Variants in STRBP observed in about 807,000 individuals in gnomAD.
STRBP encodes spermatid perinuclear RNA-binding protein.
In STRBP, 13 loss-of-function variants were observed where a neutral mutation model predicts 80.1. That is an observed-to-expected ratio of 0.16 (90% CI 0.11 to 0.26). The LOEUF (loss-of-function observed/expected upper bound fraction) is 0.26. Ranked by LOEUF, STRBP falls within the 10% of genes least tolerant of loss-of-function variation. STRBP has a pLI of 1.00. For synonymous variants in STRBP, 284 were observed against 291.2 expected (o/e 0.98, Z 0.25); for missense variants, 485 against 815.2 (o/e 0.59, Z 4.93).
intron 1 of STRBP, among the ~76,000 whole-genome samples, chr9:123,238,886 C>T (rs778575287): frequency 2.0e-5 from 3 of 152,030 alleles, no homozygotes; most frequent in South Asian, 4.2e-4. Context: ...ATAAATTCCA[C>T]GTTAGAATGC....
chr9:123,210,691 C>T (rs1317228560), intron 2 of STRBP, among the ~76,000 whole-genome samples: 5 of 151,752 alleles, frequency 3.3e-5, no homozygotes, highest in Admixed American at 2.6e-4. Flanking sequence ...TAGCTGGGTG[C>T]GGTGGCAGTC....
At chr9:123,200,762 T>TTTTTTA (rs1554762956) in intron 2 of STRBP, among the ~76,000 whole-genome samples, 3 of 133,486 alleles carry the variant, frequency 2.2e-5, no homozygotes, top group African/African-American at 8.8e-5. Flanking sequence ...TTTTTTTTTT[T>TTTTTTA]AGTAGAGACC....
chr9:123,209,344 A>C (rs530460102), intron 2 of STRBP, among the ~76,000 whole-genome samples: 4 of 152,308 alleles, frequency 2.6e-5, no homozygotes, highest in Middle Eastern at 3.4e-3. Context: ...AGCATCTACA[A>C]ATACCAGGAA....
intron 11 of STRBP, among the ~76,000 whole-genome samples, chr9:123,154,263 A>C (rs952823514): frequency 6.6e-6 from 1 of 152,240 alleles, no homozygotes; most frequent in African/African-American, 2.4e-5. Flanking sequence ...TACCTATTAA[A>C]ATGAACTATA....
chr9:123,124,264 G>A lies in STRBP; in HGVS notation c.*1333C>T. On this transcript the variant is annotated 3_prime_UTR_variant, in exon 19 of 19. Coordinates refer to ENST00000348403, the MANE Select transcript of STRBP (RefSeq NM_018387.5). ...AAAACAGACATTTTTAAGACATGGT[G>A]CCTTATAAATATTGACAGGGGACCA... The A allele has an allele frequency of 1.0e-6, 1 of 985,396 alleles. No individual in the cohort carries two copies. Among genetic ancestry groups the A allele is most frequent in the Non-Finnish European group, 1.2e-6 (1 of 829,930 alleles). The allele number at this position is 985,396 out of a possible 1,614,324, so 61.0% of individuals were successfully genotyped here. A position where few individuals can be genotyped will look rare whatever the true frequency, so the allele number is the denominator to read the frequency against.
intron 3 of STRBP, chr9:123,114,103 T>C (rs1206047685): frequency 6.0e-6 from 1 of 167,136 alleles, no homozygotes; most frequent in African/African-American, 2.4e-5. Flanking sequence ...AAGAGACACC[T>C]GGCCTTGGAG....
At chr9:123,213,179 G>A (rs1390550945) in intron 2 of STRBP, among the ~76,000 whole-genome samples, 51 of 152,128 alleles carry the variant, frequency 3.4e-4, no homozygotes, top group Admixed American at 3.3e-3. Context: ...TCTTATATAA[G>A]CAGGGAAGAT....
intron 1 of STRBP, among the ~76,000 whole-genome samples, chr9:123,240,951 G>A (rs955508690): frequency 2.0e-5 from 3 of 151,832 alleles, no homozygotes; most frequent in Admixed American, 6.6e-5. Flanking sequence ...AGGCTGAGGC[G>A]AGTGGATCAT....
intron 1 of STRBP, among the ~76,000 whole-genome samples, chr9:123,263,524 C>CAAAAAAAAAAAAAAAAAAAA (rs775297049): frequency 1.6e-5 from 1 of 64,226 alleles, no homozygotes; most frequent in Non-Finnish European, 3.4e-5. Flanking sequence ...GACCCTGTCT[C>CAAAAAAAAAAAAAAAAAAAA]AAAAAAAAAA....
At chr9:123,116,468 C>CAA (rs553835362) in intron 2 of STRBP, among the ~76,000 whole-genome samples, 1 of 151,986 alleles carries the variant, frequency 6.6e-6, no homozygotes, top group African/African-American at 2.4e-5. Context: ...GAAAACAAAA[C>CAA]AAAAAAACAG....
chr9:123,262,633 AAGC>A (rs1160697466), intron 1 of STRBP, among the ~76,000 whole-genome samples: 3 of 152,238 alleles, frequency 2.0e-5, no homozygotes, highest in African/African-American at 7.2e-5. Context: ...TAACTAAAGA[AAGC>A]AGATGTTTTA....
Position 123,136,267 on chromosome 9 carries a change from C to T in STRBP, c.1633-86G>A. The T allele has an allele frequency of 1.9e-6, 3 of 1,594,498 alleles. No homozygotes were observed. Among genetic ancestry groups the T allele is most frequent in the Non-Finnish European group, 8.5e-7 (1 of 1,170,878 alleles). On this transcript the variant is annotated intron_variant, in intron 15 of 18. Transcript: ENST00000348403. This position sits in a 1 kb window ranked among gnomAD's most constrained non-coding sequence, Gnocchi z 4.2. Reference sequence around the variant, plus strand: ...TAAATAGATTATGACACAGAAAACACCAAAAATCAAATAGTGCCACAAGAA... The same window carrying T: ...TAAATAGATTATGACACAGAAAACATCAAAAATCAAATAGTGCCACAAGAA...
chr9:123,259,778 T>C (rs771884358), intron 1 of STRBP, among the ~76,000 whole-genome samples: 1 of 151,722 alleles, frequency 6.6e-6, no homozygotes, highest in Non-Finnish European at 1.5e-5. Context: ...AAGAGGTAGG[T>C]GTAATAAGGA....
At chr9:123,266,049 A>G (rs1313150188) in intron 1 of STRBP, among the ~76,000 whole-genome samples, 1 of 152,176 alleles carries the variant, frequency 6.6e-6, no homozygotes, top group African/African-American at 2.4e-5. Flanking sequence ...CACTGCACCA[A>G]GGTATCCCTT....
At chr9:123,142,674 G>A (rs1194482258) in intron 13 of STRBP, among the ~76,000 whole-genome samples, 2 of 151,916 alleles carry the variant, frequency 1.3e-5, no homozygotes, top group Admixed American at 1.3e-4. Context: ...CCATGTTGAA[G>A]TCAGAATTGA....
At chr9:123,239,742 T>C (rs1210913710) in intron 1 of STRBP, among the ~76,000 whole-genome samples, 1 of 152,240 alleles carries the variant, frequency 6.6e-6, no homozygotes, top group African/African-American at 2.4e-5. Flanking sequence ...AAAGGATAGT[T>C]ATAAAATATT....
At chr9:123,152,970 C>G (rs1267791586) in intron 11 of STRBP, among the ~76,000 whole-genome samples, 1 of 152,138 alleles carries the variant, frequency 6.6e-6, no homozygotes, top group Non-Finnish European at 1.5e-5. Context: ...GGGATCTCTC[C>G]TTATCATCTT....
At chr9:123,258,531 T>C (rs147334817) in intron 1 of STRBP, among the ~76,000 whole-genome samples, 2,130 of 152,202 alleles carry the variant, frequency 0.014, 15 homozygotes, top group Non-Finnish European at 0.016. Flanking sequence ...AGGCCAGGCG[T>C]GGTGGCTCAC....
Position 123,139,638 on chromosome 9 carries a change from C to T in STRBP, c.1388G>A (p.Cys463Tyr), listed in dbSNP as rs1411633793. The change falls in exon 14 of 19, where the codon TGT becomes TAT. Residue 463 changes from cysteine (C) to tyrosine (Y), a missense_variant. By Grantham distance (194) the Cys-to-Tyr change is radical. Coordinates refer to ENST00000348403, the MANE Select transcript of STRBP (RefSeq NM_018387.5). ...ATCTGATTTTTCATCGGAACTCATA[C>T]ATTCAATATCTGCATCAAAGCCTGT... ...YPTGFDADIE[C>Y]MSSDEKSDNE... The T allele has an allele frequency of 1.2e-6, 2 of 1,612,642 alleles. No homozygotes were observed. The highest frequency in any genetic ancestry group is 2.7e-5 in the African/African-American group (2 of 74,882).
Sources: gnomAD v4.1 joint callset for allele counts (sites outside exome capture counted in the v4.1 genomes callset) on GRCh38, gnomAD v4.1.1 for gene constraint, Gnocchi (gnomAD v3.1) non-coding constraint, MANE v1.5 for transcripts, NCBI Gene and HGNC (gene_info 2026-07-23, HGNC 2026-07-21) for gene names.